The following SETMAR variants were observed in gnomAD, a reference collection of about 807,000 sequenced individuals.
The protein encoded by SETMAR is SET and mariner transposase domain methyltransferase.
A neutral mutation model predicts 58.4 loss-of-function variants in SETMAR; 44 were observed. The ratio of observed to expected loss-of-function variants is 0.75; its 90% confidence interval spans 0.59 to 0.97. The LOEUF is 0.97. SETMAR is among the 50% of genes least tolerant of loss of function. The probability of loss-of-function intolerance (pLI) is 0.00; values close to 1 mark genes in which losing one functional copy is unlikely to be tolerated. For missense variants in SETMAR, 903 were observed against 840.2 expected, an observed-to-expected ratio of 1.07 and a Z score of -0.92; for synonymous variants, 332 against 307.4, an observed-to-expected ratio of 1.08 and a Z score of -0.84.
At chr3:4,306,678 C>A (rs1698203759) in intron 1 of SETMAR, among the ~76,000 whole-genome samples, 1 of 152,226 alleles carries the variant, frequency 6.6e-6, no homozygotes, top group African/African-American at 2.4e-5. Context: ...TCCATGTATT[C>A]ATGGAACACA....
rs1314655826 is a variant in SETMAR at position 4,317,241 on chromosome 3, G to T, written c.2050G>T (p.Asp684Tyr). 3 of 1,530,416 alleles carry T rather than the reference G, an allele frequency of 2.0e-6. No homozygotes were observed. Among genetic ancestry groups the T allele is most frequent in the South Asian group, 1.2e-5 (1 of 82,970 alleles). The allele number at this position is 1,530,416 out of a possible 1,614,324, so 94.8% of individuals were successfully genotyped here. A position where few individuals can be genotyped will look rare whatever the true frequency, so the allele number is the denominator to read the frequency against. The change falls in exon 3 of 3, where the codon GAT becomes TAT. Residue 684 changes from aspartate to tyrosine, a missense_variant. Physicochemically the swap from Asp to Tyr is radical, Grantham distance 160 (BLOSUM62 -3). Coordinates refer to ENST00000358065, the MANE Select transcript of SETMAR (RefSeq NM_006515.4). ...TGTTGATTGTAATGGTTCCTATTTT[G>T]ATTAATAAAAATGCGTTGAGCCTAG... ...KCVDCNGSYF[D>Y]
chr3:4,312,703 T>TAAAA (rs375529794), intron 1 of SETMAR, among the ~76,000 whole-genome samples, 195 bp from the exon 2 acceptor site: 2,111 of 135,844 alleles, frequency 0.016, 60 homozygotes, highest in African/African-American at 0.055. Context: ...CCCTGTCTCT[T>TAAAA]AAAAAAAAAA....
At chr3:4,304,699 T>C (rs1401920109) in intron 1 of SETMAR, among the ~76,000 whole-genome samples, 1 of 152,198 alleles carries the variant, frequency 6.6e-6, no homozygotes. Context: ...CTAGGGGTTT[T>C]TGTGAGGATC....
rs564654759 is a variant in SETMAR at position 4,317,257 on chromosome 3, T to C, written c.*11T>C. 3.3e-6 allele frequency: 5 copies of C among 1,506,044 alleles called. No individual in the cohort carries two copies. The South Asian group carries it at 3.7e-5, about 11-fold the overall frequency. The allele number at this position is 1,506,044 out of a possible 1,614,324, so 93.3% of individuals were successfully genotyped here. On this transcript the variant is annotated 3_prime_UTR_variant, in exon 3 of 3. Transcript: ENST00000358065. Reference sequence around the variant, plus strand: ...TCCTATTTTGATTAATAAAAATGCGTTGAGCCTAGTTATAATGATTTAAAA... The same window carrying C: ...TCCTATTTTGATTAATAAAAATGCGCTGAGCCTAGTTATAATGATTTAAAA...
At chr3:4,303,646 C>T (rs920891955) in intron 1 of SETMAR, 120 bp downstream of exon 1, 1 of 1,431,082 alleles carries the variant, frequency 7.0e-7, no homozygotes, top group Non-Finnish European at 9.2e-7. Context: ...TACAGCGCAC[C>T]CGTTGGTGCG....
In SETMAR at chr3:4,316,304, C is replaced by A; in HGVS notation, c.1113C>A (p.Asn371Lys). 1 of 1,116,152 alleles carries A rather than the reference C, an allele frequency of 9.0e-7. No homozygotes were observed. Among genetic ancestry groups the A allele is most frequent in the Non-Finnish European group, 1.3e-6 (1 of 763,030 alleles). 69.1% of individuals were successfully genotyped at this position (1,116,152 alleles called of 1,614,324 possible). Reference sequence around the variant, plus strand: ...GTAAAGCAGCAGAAACAACTCGCAACATCAACAATGCATTTGGCCCAGGAA... The same window carrying A: ...GTAAAGCAGCAGAAACAACTCGCAAAATCAACAATGCATTTGGCCCAGGAA... ...MGRKAAETTR[N>K]INNAFGPGTA... The change falls in exon 3 of 3, where the codon AAC becomes AAA. Residue 371 changes from asparagine (N) to lysine (K), a missense_variant. Asn to Lys is a moderately conservative substitution (Grantham distance 94). Transcript: ENST00000358065.
At position 4,303,473 on chromosome 3, in the gene SETMAR, G is replaced by A. The variant is rs1400343223; in HGVS notation, c.103G>A (p.Glu35Lys). The A allele has an allele frequency of 6.6e-7, 1 of 1,521,212 alleles. No homozygotes were observed. The highest frequency in any genetic ancestry group is 8.8e-7 in the Non-Finnish European group (1 of 1,139,968). The allele number at this position is 1,521,212 out of a possible 1,614,324, so 94.2% of individuals were successfully genotyped here. The change falls in exon 1 of 3, where the codon GAA (glutamate) becomes AAA (lysine). Residue 35 changes from glutamate to lysine, a missense_variant. By Grantham distance (56) the Glu-to-Lys change is moderately conservative. Transcript: ENST00000358065. ...TEQLDVACGQ[E>K]NLPVGAWPPG... Reference sequence around the variant, plus strand: ...GCAGCTGGATGTCGCGTGCGGCCAGGAAAACTTGCCGGTGGGCGCGTGGCC... The same window carrying A: ...GCAGCTGGATGTCGCGTGCGGCCAGAAAAACTTGCCGGTGGGCGCGTGGCC...
intron 1 of SETMAR, among the ~76,000 whole-genome samples, chr3:4,311,063 A>C (rs1323703187): frequency 6.6e-6 from 1 of 152,200 alleles, no homozygotes; most frequent in Non-Finnish European, 1.5e-5. Flanking sequence ...CTAAAGCTGT[A>C]AGAAACAACA....
chr3:4,303,501 CG>C lies in SETMAR; in HGVS notation c.136del (p.Ala46ProfsTer13). 5 of 1,452,564 alleles carry C rather than the reference CG, an allele frequency of 3.4e-6. No homozygotes were observed. The highest frequency in any genetic ancestry group is 6.3e-5 in the Admixed American group (2 of 31,970). 90.0% of individuals were successfully genotyped at this position (1,452,564 alleles called of 1,614,324 possible). ...AACTTGCCGGTGGGCGCGTGGCCCC[CG>C]GGGGCCGCGCCGGCGCCCTTCCAGG... is the stretch of plus-strand genomic sequence containing the variant. ...QENLPVGAWP[P>X]GAAPAPFQYT... On this transcript the variant is annotated frameshift_variant, in exon 1 of 3. Transcript: ENST00000358065. LOFTEE classifies it high-confidence loss of function.
chr3:4,313,049 G>C lies in SETMAR; in HGVS notation c.308G>C (p.Arg103Thr), dbSNP rs1698477513. The C allele has an allele frequency of 6.2e-7, 1 of 1,613,982 alleles. No individual in the cohort carries two copies. The highest frequency in any genetic ancestry group is 8.5e-7 in the Non-Finnish European group (1 of 1,179,954). ...GENYDDNSCL[R>T]DIGSGGKYAE... ...AACTATGATGATAACTCATGCCTTA[G>C]AGATATAGGATCTGGAGGAAAGTAT... is the stretch of plus-strand genomic sequence containing the variant. The change falls in exon 2 of 3, where the codon AGA becomes ACA. Residue 103 changes from arginine (R) to threonine (T), a missense_variant. Arg to Thr is a moderately conservative substitution (Grantham distance 71). Transcript: ENST00000358065.
intron 1 of SETMAR, among the ~76,000 whole-genome samples, chr3:4,310,232 T>C (rs191807071): frequency 1.8e-4 from 27 of 152,340 alleles, no homozygotes; most frequent in African/African-American, 6.3e-4. Flanking sequence ...AATATTTGAA[T>C]AGAATGTTAG....
Position 4,316,700 on chromosome 3 carries a change from C to A in SETMAR, c.1509C>A (p.Asp503Glu). 1 of 1,551,058 alleles carries A rather than the reference C, an allele frequency of 6.4e-7. No individual in the cohort carries two copies. Among genetic ancestry groups the A allele is most frequent in the East Asian group, 2.4e-5 (1 of 40,924 alleles). The change falls in exon 3 of 3, where the codon GAC (aspartate) becomes GAA (glutamate). Residue 503 changes from aspartate (D) to glutamate (E), a missense_variant. By Grantham distance (45) the Asp-to-Glu change is conservative. Transcript: ENST00000358065. ...VTCDEKWILYDNRRRSAQWLD... is the reference protein window; with the variant it reads ...VTCDEKWILYENRRRSAQWLD... ...GTGATGAAAAGTGGATTTTATATGA[C>A]AACCGGCGACGATCAGCTCAGTGGT... is the stretch of plus-strand genomic sequence containing the variant.
At chr3:4,309,284 T>A (rs939484059) in intron 1 of SETMAR, among the ~76,000 whole-genome samples, 1 of 152,214 alleles carries the variant, frequency 6.6e-6, no homozygotes, top group Non-Finnish European at 1.5e-5. Context: ...ATGAGGCATG[T>A]CTGACCCCTG....
At chr3:4,304,940 T>C (rs745421513) in intron 1 of SETMAR, among the ~76,000 whole-genome samples, 2 of 151,420 alleles carry the variant, frequency 1.3e-5, no homozygotes, top group African/African-American at 4.9e-5. Context: ...TGTACATGGG[T>C]TTGGTTCAGA....
At position 4,317,174 on chromosome 3, in the gene SETMAR, C is replaced by A; in HGVS notation, c.1983C>A (p.Tyr661Ter). The A allele has an allele frequency of 6.5e-7, 1 of 1,549,850 alleles. No homozygotes were observed. The highest frequency in any genetic ancestry group is 8.7e-7 in the Non-Finnish European group (1 of 1,146,220). ...TCGAATCCCAAAGCACGGATTTTTA[C>A]GCTACAGGAATAAACCAACTTATTT... ...EFVESQSTDF[Y>*]ATGINQLISR... Residue 661 changes from tyrosine to a stop codon, truncating the protein, a stop_gained, in exon 3 of 3, where the codon TAC (tyrosine) becomes TAA (stop). Transcript: ENST00000358065. LOFTEE classifies it high-confidence loss of function.
At chr3:4,310,095 G>C (rs1698346317) in intron 1 of SETMAR, among the ~76,000 whole-genome samples, 1 of 152,118 alleles carries the variant, frequency 6.6e-6, no homozygotes, top group South Asian at 2.1e-4. Context: ...TCTAAACATA[G>C]AAAACATACA....
intron 1 of SETMAR, among the ~76,000 whole-genome samples, chr3:4,308,475 G>A (rs1346960147): frequency 6.6e-6 from 1 of 152,182 alleles, no homozygotes. Context: ...GTAATATCTA[G>A]AAGAATTGAA....
chr3:4,312,747 T>C lies in SETMAR; in HGVS notation c.157-151T>C, dbSNP rs1284404512. ...CTTGTTTTATTGAAGAGAGATGTTT[T>C]TGGACAATATCTTAGTATGCTGTGT... is the stretch of plus-strand genomic sequence containing the variant. On this transcript the variant is annotated intron_variant, in intron 1 of 2. Transcript: ENST00000358065. The C allele has an allele frequency of 2.3e-6, 2 of 877,548 alleles. 1 individual carries two copies. Among genetic ancestry groups the C allele is most frequent in the South Asian group, 5.0e-5 (2 of 40,364 alleles). The allele number at this position is 877,548 out of a possible 1,614,324, so 54.4% of individuals were successfully genotyped here. A position where few individuals can be genotyped will look rare whatever the true frequency, so the allele number is the denominator to read the frequency against.
At position 4,306,116 on chromosome 3, in the gene SETMAR, A is replaced by T. The variant is rs150859372; in HGVS notation, c.156+2590A>T. ...TACCCTCAAGGTGTTTACAACTGTCACGATTAGCTTCAATATTCCTGCCGT... is the reference window on the plus strand; with the variant it reads ...TACCCTCAAGGTGTTTACAACTGTCTCGATTAGCTTCAATATTCCTGCCGT... On this transcript the variant is annotated intron_variant, in intron 1 of 2. Coordinates refer to ENST00000358065, the MANE Select transcript of SETMAR (RefSeq NM_006515.4). Among the ~76,000 whole-genome samples, 499 of 152,306 alleles carry T rather than the reference A, an allele frequency of 3.3e-3. 5 individuals carry two copies. The highest frequency in any genetic ancestry group is 0.011 in the African/African-American group (458 of 41,558).
Sources: allele counts gnomAD v4.1 joint callset (sites outside exome capture counted in the v4.1 genomes callset), GRCh38; gene constraint gnomAD v4.1.1; transcripts MANE v1.5; gene names NCBI Gene and HGNC (gene_info 2026-07-23, HGNC 2026-07-21).